PPFIA3: variants seen among roughly 807,000 people sequenced by gnomAD.
PPFIA3 encodes the protein liprin-alpha-3.
In PPFIA3, 26 loss-of-function variants were observed where a neutral mutation model predicts 145.8. The observed-to-expected ratio is 0.18, with a 90% CI of 0.13 to 0.25. The LOEUF (loss-of-function observed/expected upper bound fraction) is 0.25. PPFIA3 is among the 10% of genes least tolerant of loss of function. PPFIA3 has a pLI of 1.00. For missense variants in PPFIA3, 1,008 were observed against 1,587.8 expected (o/e 0.63, Z 6.21); for synonymous variants, 645 against 661.4 (o/e 0.98, Z 0.38).
In PPFIA3 at chr19:49,134,062, A is replaced by G; in HGVS notation, c.1274A>G (p.Asp425Gly). The G allele has an allele frequency of 1.2e-6, 2 of 1,613,478 alleles. No homozygotes were observed. Among genetic ancestry groups the G allele is most frequent in the Non-Finnish European group, 1.7e-6 (2 of 1,179,770 alleles). Residue 425 changes from aspartate to glycine, a missense_variant, in exon 11 of 30, where the codon GAC becomes GGC. Physicochemically the swap from Asp to Gly is moderately conservative, Grantham distance 94 (BLOSUM62 -1). This residue lies in a region of PPFIA3 where 109 missense variants were observed against 198.1 expected (regional missense o/e 0.55). Coordinates refer to ENST00000334186, the MANE Select transcript of PPFIA3 (RefSeq NM_003660.4). ...RARQREKMND[D>G]HNKRLSETVD... is the part of the protein sequence containing the mutation. ...CGGCAGCGGGAGAAGATGAACGATG[A>G]CCACAATAAGCGGCTGTCCGAGACG...
intron 7 of PPFIA3, 67 bp from the exon 8 acceptor site, chr19:49,132,934 A>C: frequency 6.4e-7 from 1 of 1,555,502 alleles, no homozygotes; most frequent in Non-Finnish European, 8.7e-7. Context: ...TTCCCAGGGA[A>C]CAAGGGGGTT....
At chr19:49,135,006 C>G (rs1473068307) in intron 13 of PPFIA3, 91 bp downstream of exon 13, 5 of 1,091,296 alleles carry the variant, frequency 4.6e-6, no homozygotes, top group Non-Finnish European at 6.4e-6. Flanking sequence ...TCCTGTCCTC[C>G]TGAGACTTCT....
In PPFIA3 at chr19:49,138,361, C is replaced by G; in HGVS notation, c.2010C>G (p.Pro670=). The change falls in exon 16 of 30, where the codon CCC becomes CCG. Residue 670 remains proline, a synonymous_variant. Coordinates refer to ENST00000334186, the MANE Select transcript of PPFIA3 (RefSeq NM_003660.4). ...TTSTLASPSP[P]SSGHSTPRLA... is the part of the protein sequence containing the mutation. ...CTACCCTTGCCAGCCCCTCCCCTCC[C>G]AGCTCTGGCCACTCAACACCCCGCC... 8 of 1,606,562 alleles carry G rather than the reference C, an allele frequency of 5.0e-6. No homozygotes were observed. Among genetic ancestry groups the G allele is most frequent in the Non-Finnish European group, 6.0e-6 (7 of 1,176,348 alleles).
In PPFIA3 at chr19:49,141,561, AGT is replaced by A. The variant is rs573853597; in HGVS notation, c.2462+54_2462+55del. 455 of 1,491,650 alleles carry A rather than the reference AGT, an allele frequency of 3.1e-4. 3 individuals are homozygous for A. In the East Asian group the frequency reaches 4.5e-3, roughly 15 times the overall value. The allele number at this position is 1,491,650 out of a possible 1,614,324, so 92.4% of individuals were successfully genotyped here. ...GTGTGTGTGTGTATGTGAATGTGAG[AGT>A]GTGTGAGGGTGTGTGTGTGCGTGTA... is the stretch of plus-strand genomic sequence containing the variant. On this transcript the variant is annotated intron_variant, in intron 19 of 29. Transcript: ENST00000334186.
chr19:49,135,115 C>A (rs1049514519), intron 13 of PPFIA3, among the ~76,000 whole-genome samples, 200 bp downstream of exon 13: 4 of 152,112 alleles, frequency 2.6e-5, no homozygotes, highest in Non-Finnish European at 5.9e-5. Flanking sequence ...GATTCCGGCT[C>A]ACTGCAACCT....
rs1239819788 is a variant in PPFIA3, at chr19:49,138,435, C to T, written c.2076+8C>T. On this transcript the variant is annotated splice_region_variant and intron_variant, in intron 16 of 29. Coordinates refer to ENST00000334186, the MANE Select transcript of PPFIA3 (RefSeq NM_003660.4). ...GAGGGCACCGACAAGGCTGTGAGTG[C>T]TCTGAAGTCTCCCCAGCCTAGTAGG... The T allele has an allele frequency of 1.3e-6, 2 of 1,511,762 alleles. No homozygotes were observed. The highest frequency in any genetic ancestry group is 3.9e-5 in the Admixed American group (2 of 50,712). 93.6% of individuals were successfully genotyped at this position (1,511,762 alleles called of 1,614,324 possible). A position where few individuals can be genotyped will look rare whatever the true frequency, so the allele number is the denominator to read the frequency against.
At chr19:49,145,610 T>G in intron 21 of PPFIA3, 3 of 357,420 alleles carry the variant, frequency 8.4e-6, no homozygotes, top group Non-Finnish European at 1.1e-5. Flanking sequence ...TCCCTAAACA[T>G]TTGCACCATG....
intron 16 of PPFIA3, 146 bp downstream of exon 16, chr19:49,138,573 G>A: frequency 1.8e-6 from 1 of 558,750 alleles, no homozygotes; most frequent in East Asian, 3.4e-5. Flanking sequence ...AACTCAAAGG[G>A]CAAAGGGGAG....
intron 1 of PPFIA3, 71 bp downstream of exon 1, chr19:49,119,793 C>T (rs2040911355): frequency 6.6e-6 from 1 of 152,238 alleles, no homozygotes; most frequent in African/African-American, 2.4e-5. Context: ...CCCCGCCTCC[C>T]CGAGATCCCG....
chr19:49,125,748 C>G (rs2040988838), intron 1 of PPFIA3, among the ~76,000 whole-genome samples: 1 of 151,990 alleles, frequency 6.6e-6, no homozygotes, highest in African/African-American at 2.4e-5. Flanking sequence ...GGGGTGCGGT[C>G]TCCGACTCCT....
At chr19:49,147,764 C>G (rs1248469100) in intron 23 of PPFIA3, among the ~76,000 whole-genome samples, 1 of 151,724 alleles carries the variant, frequency 6.6e-6, no homozygotes, top group East Asian at 1.9e-4. Flanking sequence ...TTCGAATCAC[C>G]TGAGGGTCTT....
At chr19:49,147,662 G>A (rs1158861951) in intron 23 of PPFIA3, among the ~76,000 whole-genome samples, 3 of 149,874 alleles carry the variant, frequency 2.0e-5, no homozygotes, top group African/African-American at 7.4e-5. Flanking sequence ...CTCCAGCCTG[G>A]GTGACATAGC....
At position 49,128,204 on chromosome 19, in the gene PPFIA3, G is replaced by T; in HGVS notation, c.240+91G>T. Reference sequence around the variant, plus strand: ...GGGGCCGGGCTTGGCGCCTGGAAGGGAGGAGTCTGGGCGAGGCTTGCCGTT... The same window carrying T: ...GGGGCCGGGCTTGGCGCCTGGAAGGTAGGAGTCTGGGCGAGGCTTGCCGTT... On this transcript the variant is annotated intron_variant, in intron 2 of 29. Transcript: ENST00000334186. This position sits in a 1 kb window ranked among gnomAD's most constrained non-coding sequence, Gnocchi z 4.1. 6.8e-7 allele frequency: 1 copy of T among 1,474,142 alleles called. No homozygotes were observed. The highest frequency in any genetic ancestry group is 9.1e-7 in the Non-Finnish European group (1 of 1,104,718). The allele number at this position is 1,474,142 out of a possible 1,614,324, so 91.3% of individuals were successfully genotyped here.
At position 49,119,593 on chromosome 19, in the gene PPFIA3, CA is replaced by C. The variant is rs1415816310; in HGVS notation, c.-144del. 1 of 153,962 alleles carries C rather than the reference CA, an allele frequency of 6.5e-6. No individual in the cohort carries two copies. The allele number at this position is 153,962 out of a possible 1,614,324, so 9.5% of individuals were successfully genotyped here. A position where few individuals can be genotyped will look rare whatever the true frequency, so the allele number is the denominator to read the frequency against. ...GCGGAGCCCGCGCGAGCGTCGGAGA[CA>C]GGGCTCCAGGGCTCCGAAGCGACAG... is the stretch of plus-strand genomic sequence containing the variant. On this transcript the variant is annotated 5_prime_UTR_variant, in exon 1 of 30. Coordinates refer to ENST00000334186, the MANE Select transcript of PPFIA3 (RefSeq NM_003660.4).
At chr19:49,147,273 G>T (rs1049250441) in intron 23 of PPFIA3, among the ~76,000 whole-genome samples, 1 of 152,088 alleles carries the variant, frequency 6.6e-6, no homozygotes, top group African/African-American at 2.4e-5. Flanking sequence ...AATTTAATGT[G>T]TAGTGGGGTG....
At position 49,120,563 on chromosome 19, in the gene PPFIA3, A is replaced by T. The variant is rs1310439461; in HGVS notation, c.-16+841A>T. Among the ~76,000 whole-genome samples, 2 of 152,050 alleles carry T rather than the reference A, an allele frequency of 1.3e-5. No homozygotes were observed. The highest frequency in any genetic ancestry group is 2.9e-5 in the Non-Finnish European group (2 of 67,984). ...GCCCTCACCCCGTCAGCACCTAGGAATCCTGTTCCCCAGCGTTTGCTCTGC... is the reference window on the plus strand; with the variant it reads ...GCCCTCACCCCGTCAGCACCTAGGATTCCTGTTCCCCAGCGTTTGCTCTGC... On this transcript the variant is annotated intron_variant, in intron 1 of 29. Transcript: ENST00000334186. This position sits in a 1 kb window ranked among gnomAD's most constrained non-coding sequence, Gnocchi z 4.6.
chr19:49,142,175 G>A, intron 20 of PPFIA3, 60 bp downstream of exon 20: 1 of 1,437,532 alleles, frequency 7.0e-7, no homozygotes, highest in Non-Finnish European at 9.5e-7. Flanking sequence ...AGCCCCACTG[G>A]TAGGGGCTGC....
At position 49,139,842 on chromosome 19, in the gene PPFIA3, A is replaced by G. The variant is rs1023209210; in HGVS notation, c.2240+11A>G. Reference sequence around the variant, plus strand: ...ACCCCCACGGGGAAGGTCAGCAGGGACAAGGGATAGGGACAGGGAGAAGCT... The same window carrying G: ...ACCCCCACGGGGAAGGTCAGCAGGGGCAAGGGATAGGGACAGGGAGAAGCT... On this transcript the variant is annotated intron_variant, in intron 17 of 29. Coordinates refer to ENST00000334186, the MANE Select transcript of PPFIA3 (RefSeq NM_003660.4). 3.7e-5 allele frequency: 59 copies of G among 1,610,106 alleles called. No homozygotes were observed. In the East Asian group the frequency reaches 1.3e-3, roughly 35 times the overall value.
chr19:49,146,375 T>G, intron 23 of PPFIA3, 183 bp downstream of exon 23: 1 of 720,418 alleles, frequency 1.4e-6, no homozygotes, highest in Non-Finnish European at 2.3e-6. Flanking sequence ...GTAGAGGGGA[T>G]GCGATGTGGA....
Sources: allele counts gnomAD v4.1 joint callset (sites outside exome capture counted in the v4.1 genomes callset), GRCh38; gene constraint gnomAD v4.1.1; regional missense constraint gnomAD v4.1.1; non-coding constraint Gnocchi (gnomAD v3.1); transcripts MANE v1.5; gene names NCBI Gene and HGNC (gene_info 2026-07-23, HGNC 2026-07-21).